LAMA4: variants seen among roughly 807,000 people sequenced by gnomAD.
The protein encoded by LAMA4 is laminin subunit alpha 4, also known as laminin subunit alpha-4.
In LAMA4, 127 loss-of-function variants were observed where a neutral mutation model predicts 207.1. The observed-to-expected ratio is 0.61, with a 90% confidence interval of 0.53 to 0.71. The LOEUF is 0.71. Among genes scored for constraint, LAMA4 ranks in the 30% least tolerant of loss-of-function variants. LAMA4 has a pLI of 0.00. For missense variants in LAMA4, 2,093 were observed against 2,246.5 expected, an observed-to-expected ratio of 0.93 and a Z score of 1.38; for synonymous variants, 761 against 816.0, an observed-to-expected ratio of 0.93 and a Z score of 1.15.
At chr6:112,172,553 T>C (rs903277391) in intron 12 of LAMA4, 58 bp downstream of exon 12, 1 of 1,515,108 alleles carries the variant, frequency 6.6e-7, no homozygotes, top group Non-Finnish European at 9.2e-7. Context: ...CAGCCCCTTC[T>C]TGGTGTACCA....
intron 36 of LAMA4, 117 bp from the exon 37 acceptor site, chr6:112,114,873 G>A: frequency 2.5e-6 from 2 of 789,240 alleles, no homozygotes; most frequent in Non-Finnish European, 4.3e-6. Flanking sequence ...CACATGATTA[G>A]CTTTGCAATT....
chr6:112,179,870 G>C (rs1782243676), intron 9 of LAMA4: 1 of 529,462 alleles, frequency 1.9e-6, no homozygotes, highest in South Asian at 1.4e-5. Flanking sequence ...ATAAACTGTG[G>C]GCTCTCTGAA....
In LAMA4 at chr6:112,191,847, A is replaced by G; in HGVS notation, c.507T>C (p.Cys169=). 6.2e-7 allele frequency: 1 copy of G among 1,608,718 alleles called. No individual in the cohort carries two copies. Reference sequence around the variant, plus strand: ...AGGGGTTTCCATAGTAACCGGGAGCACATCTGAAGAGGAATATCACACATT... The same window carrying G: ...AGGGGTTTCCATAGTAACCGGGAGCGCATCTGAAGAGGAATATCACACATT... The part of the protein sequence containing the change: ...ENYAGPNCER[C]APGYYGNPLL... The change falls in exon 6 of 39, where the codon TGT becomes TGC. Residue 169 remains cysteine, a synonymous_variant. Coordinates refer to ENST00000230538, the MANE Select transcript of LAMA4 (RefSeq NM_001105206.3).
intron 2 of LAMA4, among the ~76,000 whole-genome samples, chr6:112,233,261 T>C (rs1258748421): frequency 6.6e-6 from 1 of 152,158 alleles, no homozygotes; most frequent in African/African-American, 2.4e-5. Context: ...TGGATTTCAG[T>C]ATTTGGTATG....
intron 3 of LAMA4, among the ~76,000 whole-genome samples, chr6:112,211,575 T>G (rs1784357003): frequency 6.6e-6 from 1 of 152,142 alleles, no homozygotes; most frequent in Non-Finnish European, 1.5e-5. Context: ...CAATACAGTG[T>G]GTGAAGGCTA....
Position 112,140,936 on chromosome 6 carries a change from T to A in LAMA4, c.2814-14A>T. On this transcript the variant is annotated splice_polypyrimidine_tract_variant and intron_variant, in intron 21 of 38. Coordinates refer to ENST00000230538, the MANE Select transcript of LAMA4 (RefSeq NM_001105206.3). ...TGTTTTCCCACCCTATTGAGATAAA[T>A]AATTTTCACTTGTTATTATATAATT... is the stretch of plus-strand genomic sequence containing the variant. 1 of 1,599,630 alleles carries A rather than the reference T, an allele frequency of 6.3e-7. No individual in the cohort carries two copies. The highest frequency in any genetic ancestry group is 8.6e-7 in the Non-Finnish European group (1 of 1,166,876).
intron 2 of LAMA4, among the ~76,000 whole-genome samples, chr6:112,250,227 C>A (rs1787340459): frequency 6.6e-6 from 1 of 152,112 alleles, no homozygotes; most frequent in African/African-American, 2.4e-5. Flanking sequence ...GGACCTTTTT[C>A]AAAGCAAGTG....
chr6:112,177,641 T>A (rs1554344248), intron 10 of LAMA4, among the ~76,000 whole-genome samples: 1 of 152,216 alleles, frequency 6.6e-6, no homozygotes, highest in African/African-American at 2.4e-5. Flanking sequence ...ACAGCCCCGC[T>A]CCTTCCTTTT....
At chr6:112,139,611 T>G (rs1322274311) in intron 23 of LAMA4, 141 bp downstream of exon 23, 1 of 1,006,164 alleles carries the variant, frequency 9.9e-7, no homozygotes, top group Non-Finnish European at 1.6e-6. Flanking sequence ...GGTGAAGAGT[T>G]TTTTGCAGGT....
At chr6:112,141,997 C>A (rs1779724858) in intron 20 of LAMA4, 122 bp downstream of exon 20, 3 of 926,390 alleles carry the variant, frequency 3.2e-6, no homozygotes, top group Non-Finnish European at 5.2e-6. Flanking sequence ...AAAATGAGAT[C>A]TTCTGAGTTA....
intron 3 of LAMA4, among the ~76,000 whole-genome samples, chr6:112,208,690 T>C (rs1426881207): frequency 3.3e-5 from 5 of 152,336 alleles, no homozygotes; most frequent in African/African-American, 1.2e-4. Flanking sequence ...ACTAACACTT[T>C]GAGCTTCAAT....
At chr6:112,182,942 CT>C (rs1193251120) in intron 9 of LAMA4, among the ~76,000 whole-genome samples, 1 of 152,126 alleles carries the variant, frequency 6.6e-6, no homozygotes, top group Non-Finnish European at 1.5e-5. Flanking sequence ...GATGGGCATC[CT>C]TTAGGGGAAT....
chr6:112,209,392 A>C (rs1212341145), intron 3 of LAMA4, among the ~76,000 whole-genome samples: 2 of 152,190 alleles, frequency 1.3e-5, no homozygotes, highest in Non-Finnish European at 2.9e-5. Flanking sequence ...CATGGCAGCC[A>C]TGGGAAGCAG....
chr6:112,165,047 C>A (rs1781302361), intron 13 of LAMA4, 113 bp downstream of exon 13: 2 of 773,390 alleles, frequency 2.6e-6, no homozygotes, highest in Non-Finnish European at 4.8e-6. Flanking sequence ...GTCATCTGAT[C>A]TTTATAATGC....
Position 112,231,421 on chromosome 6 carries a change from A to G in LAMA4, c.196-14952T>C, listed in dbSNP as rs28371441. ...TAGGCCTCTCTTATTACTTGGTTTG[A>G]CATATGGCAATTATTCTCAATTTAA... is the stretch of plus-strand genomic sequence containing the variant. On this transcript the variant is annotated intron_variant, in intron 2 of 38. Coordinates refer to ENST00000230538, the MANE Select transcript of LAMA4 (RefSeq NM_001105206.3). 5.2e-3 allele frequency among the ~76,000 whole-genome samples: 788 copies of G among 152,294 alleles called. 4 individuals carry two copies. The highest frequency in any genetic ancestry group is 0.017 in the African/African-American group (722 of 41,556).
rs190117114 is a variant in LAMA4, at chr6:112,126,790, A to G, written c.4287+2132T>C. On this transcript the variant is annotated intron_variant, in intron 31 of 38. Coordinates refer to ENST00000230538, the MANE Select transcript of LAMA4 (RefSeq NM_001105206.3). ...CAAAGAAATGCAAACTAAAACCTCA[A>G]TTTGTCCATCAGAATTGCAAAATTA... Among the ~76,000 whole-genome samples, 3 of 152,336 alleles carry G rather than the reference A, an allele frequency of 2.0e-5. No individual in the cohort carries two copies. In the East Asian group the frequency reaches 5.8e-4, roughly 29 times the overall value.
chr6:112,130,953 A>G lies in LAMA4; in HGVS notation c.3968+15T>C. ...AATAGACATGGTGGAAAGAATATGA[A>G]GTGAGGAGCTATACCTTGTGGGTGA... On this transcript the variant is annotated intron_variant, in intron 29 of 38. Coordinates refer to ENST00000230538, the MANE Select transcript of LAMA4 (RefSeq NM_001105206.3). 1 of 1,612,050 alleles carries G rather than the reference A, an allele frequency of 6.2e-7. No homozygotes were observed. Among genetic ancestry groups the G allele is most frequent in the Non-Finnish European group, 8.5e-7 (1 of 1,178,302 alleles).
At chr6:112,160,679 G>C (rs973051646) in intron 13 of LAMA4, among the ~76,000 whole-genome samples, 1 of 152,112 alleles carries the variant, frequency 6.6e-6, no homozygotes, top group South Asian at 2.1e-4. Context: ...TCTTTTCCTA[G>C]CTTCTGTGAC....
At position 112,141,262 on chromosome 6, in the gene LAMA4, CTG is replaced by C. The variant is rs1244316812; in HGVS notation, c.2813+94_2813+95del. The C allele has an allele frequency of 2.2e-5, 25 of 1,130,698 alleles. 1 individual carries two copies. In the East Asian group the frequency reaches 5.4e-4, roughly 24 times the overall value. The allele number at this position is 1,130,698 out of a possible 1,614,324, so 70.0% of individuals were successfully genotyped here. On this transcript the variant is annotated intron_variant, in intron 21 of 38. Coordinates refer to ENST00000230538, the MANE Select transcript of LAMA4 (RefSeq NM_001105206.3). ...GCTATTTATAACATCCACAGGAAGA[CTG>C]TGTATGTGTGTGTGTGTGTGCACGC...
Sources: allele counts gnomAD v4.1 joint callset (sites outside exome capture counted in the v4.1 genomes callset), GRCh38; gene constraint gnomAD v4.1.1; transcripts MANE v1.5; gene names NCBI Gene and HGNC (gene_info 2026-07-23, HGNC 2026-07-21).